The following PTPRD variants were observed in gnomAD, a reference collection of about 807,000 sequenced individuals.
The protein encoded by PTPRD is protein tyrosine phosphatase receptor type D, also known as receptor-type tyrosine-protein phosphatase delta.
A neutral mutation model predicts 214.5 loss-of-function variants in PTPRD; 34 were observed. That is an observed-to-expected ratio of 0.16 (90% CI 0.12 to 0.21). PTPRD has a LOEUF of 0.21. Ranked by LOEUF, PTPRD falls within the 10% of genes least tolerant of loss-of-function variation. The pLI, the probability that PTPRD is intolerant of heterozygous loss-of-function variation, is 1.00. For missense variants in PTPRD, 2,545 were observed against 2,398.7 expected (o/e 1.06, Z -1.27); for synonymous variants, 1,128 against 845.7 (o/e 1.33, Z -5.79).
chr9:10,104,077 T>A (rs1162553471), intron 3 of PTPRD, among the ~76,000 whole-genome samples: 1 of 151,542 alleles, frequency 6.6e-6, no homozygotes, highest in Non-Finnish European at 1.5e-5. Flanking sequence ...AAAGGACAAA[T>A]ACTGTTCGAT....
intron 5 of PTPRD, among the ~76,000 whole-genome samples, chr9:9,792,250 T>G (rs1395816446): frequency 6.6e-6 from 1 of 152,164 alleles, no homozygotes; most frequent in Non-Finnish European, 1.5e-5. Context: ...GTACTGCATG[T>G]TATTTAATGC....
chr9:9,872,625 G>A (rs1251187935), intron 5 of PTPRD, among the ~76,000 whole-genome samples: 1 of 152,028 alleles, frequency 6.6e-6, no homozygotes, highest in African/African-American at 2.4e-5. Flanking sequence ...ATAAAATGGA[G>A]ATAACACAGC....
intron 14 of PTPRD, among the ~76,000 whole-genome samples, chr9:8,558,806 G>A (rs1307017318): frequency 6.6e-6 from 1 of 152,084 alleles, no homozygotes; most frequent in East Asian, 1.9e-4. Context: ...ATCATGACTT[G>A]ACTTACATGC....
At chr9:9,297,219 A>C (rs1012350783) in intron 9 of PTPRD, among the ~76,000 whole-genome samples, 2 of 151,682 alleles carry the variant, frequency 1.3e-5, no homozygotes, top group African/African-American at 4.8e-5. Context: ...GTTAATTGGA[A>C]GCCTAGAGTC....
At chr9:8,517,522 A>G (rs1564001089) in intron 21 of PTPRD, among the ~76,000 whole-genome samples, 1 of 152,210 alleles carries the variant, frequency 6.6e-6, no homozygotes, top group Non-Finnish European at 1.5e-5. Context: ...ACTCTACCAT[A>G]CTAGCTATTA....
At chr9:9,656,278 G>A (rs372613228) in intron 7 of PTPRD, among the ~76,000 whole-genome samples, 41 of 152,126 alleles carry the variant, frequency 2.7e-4, no homozygotes, top group Admixed American at 1.9e-3. Flanking sequence ...ACCAAAATGC[G>A]TTGAAAACTT....
At chr9:10,515,376 A>G (rs1258791749) in intron 2 of PTPRD, among the ~76,000 whole-genome samples, 3 of 151,712 alleles carry the variant, frequency 2.0e-5, no homozygotes, top group African/African-American at 7.2e-5. Context: ...AATCAAAACT[A>G]TAGACTACTT....
At chr9:9,499,075 C>G (rs2096304883) in intron 8 of PTPRD, among the ~76,000 whole-genome samples, 1 of 151,958 alleles carries the variant, frequency 6.6e-6, no homozygotes, top group Non-Finnish European at 1.5e-5. Context: ...TGGAAAATAG[C>G]ACTAAATTGT....
chr9:8,318,667 C>A (rs1318677881), intron 45 of PTPRD, among the ~76,000 whole-genome samples: 1 of 151,998 alleles, frequency 6.6e-6, no homozygotes, highest in South Asian at 2.1e-4. Context: ...TCAAAAAATA[C>A]CTGTAAATTC....
chr9:9,266,768 A>AAAATGG (rs924547475), intron 9 of PTPRD, among the ~76,000 whole-genome samples: 1 of 151,288 alleles, frequency 6.6e-6, no homozygotes, highest in African/African-American at 2.4e-5. Flanking sequence ...AATGAAAATG[A>AAAATGG]AAATACAACA....
intron 11 of PTPRD, among the ~76,000 whole-genome samples, chr9:8,781,303 GA>G (rs1360355415): frequency 2.0e-5 from 3 of 152,128 alleles, no homozygotes; most frequent in African/African-American, 7.2e-5. Flanking sequence ...AACTCCTCCA[GA>G]AGGCTTAAAA....
intron 5 of PTPRD, among the ~76,000 whole-genome samples, chr9:9,880,850 A>AT (rs1413596363): frequency 7.3e-5 from 11 of 151,308 alleles, no homozygotes; most frequent in East Asian, 5.8e-4. Flanking sequence ...CTGGTCATTT[A>AT]TTTTTTTTTC....
intron 11 of PTPRD, among the ~76,000 whole-genome samples, chr9:8,808,130 CT>C (rs1243182034): frequency 1.3e-5 from 2 of 152,100 alleles, no homozygotes; most frequent in African/African-American, 4.8e-5. Flanking sequence ...CGTGTTTTGT[CT>C]TTTTCTTTCA....
intron 5 of PTPRD, among the ~76,000 whole-genome samples, chr9:9,832,290 C>A (rs1485447743): frequency 1.4e-4 from 21 of 151,948 alleles, no homozygotes; most frequent in Non-Finnish European, 1.5e-5. Context: ...GTAGACAATG[C>A]ATAGCAGGCA....
intron 11 of PTPRD, among the ~76,000 whole-genome samples, chr9:8,793,503 A>C (rs556477049): frequency 6.6e-6 from 1 of 152,314 alleles, no homozygotes; most frequent in South Asian, 2.1e-4. Flanking sequence ...CCCTCAGAAA[A>C]TATGAGATAA....
At chr9:9,142,315 G>C (rs1023430921) in intron 10 of PTPRD, among the ~76,000 whole-genome samples, 3 of 152,222 alleles carry the variant, frequency 2.0e-5, no homozygotes, top group African/African-American at 7.2e-5. Context: ...ATAAGGGACA[G>C]GAGAGGTGGG....
intron 11 of PTPRD, among the ~76,000 whole-genome samples, chr9:9,007,778 C>A (rs761541289): frequency 1.4e-5 from 2 of 144,496 alleles, no homozygotes; most frequent in Non-Finnish European, 3.0e-5. Flanking sequence ...GTTGCTTAAG[C>A]ATATCTTTCA....
chr9:10,591,313 GATTA>G (rs1218660609), intron 2 of PTPRD, among the ~76,000 whole-genome samples: 5 of 151,992 alleles, frequency 3.3e-5, no homozygotes, highest in African/African-American at 1.2e-4. Flanking sequence ...AAAGAATAAA[GATTA>G]ATTTATTTTG....
intron 11 of PTPRD, among the ~76,000 whole-genome samples, chr9:8,884,473 T>C (rs2098470710): frequency 6.6e-6 from 1 of 152,102 alleles, no homozygotes; most frequent in South Asian, 2.1e-4. Flanking sequence ...AGAATGTTCT[T>C]TGAGTTTGGA....
Sources: allele counts gnomAD v4.1 joint callset (sites outside exome capture counted in the v4.1 genomes callset), GRCh38; gene constraint gnomAD v4.1.1; transcripts MANE v1.5; gene names NCBI Gene and HGNC (gene_info 2026-07-23, HGNC 2026-07-21).